POM121: variants seen among roughly 807,000 people sequenced by gnomAD.
POM121 encodes nuclear envelope pore membrane protein POM 121.
In POM121, 32 loss-of-function variants were observed where a neutral mutation model predicts 81.3. The observed-to-expected ratio is 0.39, with a 90% CI of 0.30 to 0.53. The LOEUF is 0.53. Ranked by LOEUF, POM121 falls within the 20% of genes least tolerant of loss-of-function variation. The pLI is 0.66. For missense variants in POM121, 1,138 were observed against 1,614.6 expected (o/e 0.70, Z 5.06); for synonymous variants, 514 against 694.2 (o/e 0.74, Z 4.08).
intron 5 of POM121, among the ~76,000 whole-genome samples, chr7:72,931,403 G>A (rs1354020152): frequency 2.6e-5 from 4 of 152,126 alleles, no homozygotes; most frequent in Admixed American, 2.0e-4. Context: ...AGTTTTAGGA[G>A]AGATAAGATA....
rs368790802 is a variant in POM121 at position 72,945,656 on chromosome 7, C to T, written c.3600C>T (p.Ser1200=). Residue 1200 remains serine, a synonymous_variant, in exon 12 of 13, where the codon TCC becomes TCT. Coordinates refer to ENST00000434423, the MANE Select transcript of POM121 (RefSeq NM_001387691.1). ...PGVGTSGSSL[S]FGASSAPAQG... ...TGGGCACATCAGGCAGCAGCCTCTC[C>T]TTTGGGGCATCCTCAGCACCCGCCC... The T allele has an allele frequency of 1.5e-4, 240 of 1,613,116 alleles. No homozygotes were observed. The highest frequency in any genetic ancestry group is 2.2e-4 in the South Asian group (20 of 90,984).
At chr7:72,945,391 G>A (rs1436805977) in intron 11 of POM121, among the ~76,000 whole-genome samples, 195 bp from the exon 12 acceptor site, 4 of 151,798 alleles carry the variant, frequency 2.6e-5, no homozygotes, top group African/African-American at 7.3e-5. Flanking sequence ...GCGGGTGGGA[G>A]AAGCAGGCTG....
chr7:72,910,667 G>A (rs1234591198), intron 3 of POM121, among the ~76,000 whole-genome samples: 3 of 151,860 alleles, frequency 2.0e-5, no homozygotes, highest in Non-Finnish European at 4.4e-5. Flanking sequence ...CAGTATCTGG[G>A]GCAGGGGAAG....
At chr7:72,925,013 T>A, upstream of POM121, 1 of 1,327,368 alleles carries the variant, frequency 7.5e-7, no homozygotes, top group Non-Finnish European at 9.6e-7. Context: ...TGCCGGGCGG[T>A]AGCGTCTCCC....
rs1322633426 is a variant in POM121 at position 72,925,494 on chromosome 7, C to G, written c.373C>G (p.Leu125Val). ...ANGNLLEPRT[L>V]LEGPDPAELL... ...CGGAAACCTCCTAGAGCCGCGGACC[C>G]TGCTCGAAGGACCTGACCCTGCGGA... The change falls in exon 1 of 13, where the codon CTG (leucine) becomes GTG (valine). Residue 125 changes from leucine to valine, a missense_variant. Leu to Val is a conservative substitution (Grantham distance 32). Around this residue, in one of 7 missense-constraint regions of POM121, gnomAD observed 646 missense variants for 633.5 expected, o/e 1.02. Coordinates refer to ENST00000434423, the MANE Select transcript of POM121 (RefSeq NM_001387691.1). The G allele has an allele frequency of 6.5e-7, 1 of 1,533,678 alleles. No homozygotes were observed. The highest frequency in any genetic ancestry group is 8.7e-7 in the Non-Finnish European group (1 of 1,146,518).
At chr7:72,899,063 A>G (rs1402062503) in intron 3 of POM121, among the ~76,000 whole-genome samples, 5 of 134,748 alleles carry the variant, frequency 3.7e-5, no homozygotes, top group African/African-American at 1.4e-4. Context: ...GCTCACTGCA[A>G]CTTCTGCCTC....
At chr7:72,879,848 C>T in exon 1 of POM121, 2 of 511,732 alleles carry the variant, frequency 3.9e-6, no homozygotes, top group South Asian at 1.4e-5. Flanking sequence ...CCCGGCCTCT[C>T]GGGAGCCGTG....
chr7:72,914,407 A>C (rs1218038081), intron 4 of POM121, among the ~76,000 whole-genome samples: 1 of 151,962 alleles, frequency 6.6e-6, no homozygotes, highest in African/African-American at 2.4e-5. Flanking sequence ...GTTTTTTGCC[A>C]CTATGTTTTG....
Position 72,925,745 on chromosome 7 carries a change from C to T in POM121, c.624C>T (p.Pro208=). 3.8e-6 allele frequency: 5 copies of T among 1,325,872 alleles called. No individual in the cohort carries two copies. Among genetic ancestry groups the T allele is most frequent in the South Asian group, 1.9e-5 (1 of 52,518 alleles). The allele number at this position is 1,325,872 out of a possible 1,614,324, so 82.1% of individuals were successfully genotyped here. A position where few individuals can be genotyped will look rare whatever the true frequency, so the allele number is the denominator to read the frequency against. The change falls in exon 1 of 13, where the codon CCC becomes CCT. Residue 208 remains proline (P), a synonymous_variant. Coordinates refer to ENST00000434423, the MANE Select transcript of POM121 (RefSeq NM_001387691.1). ...YPSLPTPLLR[P]SRRPSPRDCG... ...CTCTGCCCACTCCTCTTCTCCGACC[C>T]TCCAGGAGGCCTTCCCCACGGTAAG...
intron 3 of POM121, among the ~76,000 whole-genome samples, chr7:72,909,214 T>G (rs1793573111): frequency 6.6e-6 from 1 of 152,196 alleles, no homozygotes; most frequent in Non-Finnish European, 1.5e-5. Context: ...CAGTGAGACT[T>G]TATATTTTTC....
In POM121 at chr7:72,941,081, G is replaced by A. The variant is rs574286173; in HGVS notation, c.1843+88G>A. On this transcript the variant is annotated intron_variant, in intron 10 of 12. Coordinates refer to ENST00000434423, the MANE Select transcript of POM121 (RefSeq NM_001387691.1). ...AAGGGCGTCGTGCCTGTCAGTCGCT[G>A]GAGATTGCTCTGCAGGCCGAACGCA... 23 of 1,589,638 alleles carry A rather than the reference G, an allele frequency of 1.4e-5. No individual in the cohort carries two copies. In the East Asian group the frequency reaches 4.7e-4, roughly 33 times the overall value.
In POM121 at chr7:72,894,248, C is replaced by T. The variant is rs186845154; in HGVS notation, c.-216+3138C>T. Reference sequence around the variant, plus strand: ...ACTGCACTCTGGTGCAGAGCCTGGGCGACAGAGCGAGACTCTGTCTTAAAG... The same window carrying T: ...ACTGCACTCTGGTGCAGAGCCTGGGTGACAGAGCGAGACTCTGTCTTAAAG... On this transcript the variant is annotated intron_variant, in intron 3 of 15. Coordinates refer to the POM121 transcript ENST00000395270. Among the ~76,000 whole-genome samples the T allele has an allele frequency of 4.1e-3, 618 of 151,708 alleles. 4 individuals are homozygous for T. Among genetic ancestry groups the T allele is most frequent in the African/African-American group, 0.014 (559 of 41,306 alleles).
At chr7:72,939,743 G>GAGAT (rs1554500356) in intron 7 of POM121, 104 bp from the exon 8 acceptor site, 1 of 1,608,628 alleles carries the variant, frequency 6.2e-7, no homozygotes, top group East Asian at 2.2e-5. Context: ...AATCTTTTCA[G>GAGAT]AGATACCCAT....
At chr7:72,909,745 C>T (rs558788688) in intron 3 of POM121, among the ~76,000 whole-genome samples, 1 of 152,278 alleles carries the variant, frequency 6.6e-6, no homozygotes, top group African/African-American at 2.4e-5. Context: ...ACCTCCCAGA[C>T]TCAGTCACTC....
downstream of POM121, chr7:72,948,549 T>C (rs574465613): frequency 1.9e-6 from 3 of 1,613,420 alleles, no homozygotes; most frequent in Non-Finnish European, 2.5e-6. Flanking sequence ...TCTTTGGGGC[T>C]GGGCTGGGTG....
upstream of POM121, among the ~76,000 whole-genome samples, chr7:72,920,671 T>G (rs1366426900): frequency 6.6e-6 from 1 of 152,052 alleles, no homozygotes; most frequent in African/African-American, 2.4e-5. Context: ...TATTCCTATA[T>G]ACATTTTCTT....
At chr7:72,939,534 A>G (rs1796856253) in intron 7 of POM121, 125 bp downstream of exon 7, 3 of 1,403,128 alleles carry the variant, frequency 2.1e-6, no homozygotes, top group Non-Finnish European at 1.9e-6. Flanking sequence ...GTTAGATACA[A>G]AGAGAGAGAT....
rs549189264 is a variant in POM121 at position 72,880,560 on chromosome 7, T to G, written c.-521+675T>G. Among the ~76,000 whole-genome samples the G allele has an allele frequency of 8.5e-5, 13 of 152,182 alleles. No individual in the cohort carries two copies. The South Asian group carries it at 2.7e-3, about 32-fold the overall frequency. On this transcript the variant is annotated intron_variant, in intron 1 of 15. Coordinates refer to the POM121 transcript ENST00000395270. ...TGAGAGCTCACATACTCAATTCCTA[T>G]GGCTTATTTTATTTTAAGCAGTTTA...
chr7:72,885,982 TTTAA>T (rs1356386717), intron 1 of POM121, among the ~76,000 whole-genome samples: 2 of 152,134 alleles, frequency 1.3e-5, no homozygotes, highest in Admixed American at 6.5e-5. Flanking sequence ...AGTATGCAAC[TTTAA>T]TTGTCATAGT....
Sources: gnomAD v4.1 joint callset for allele counts (sites outside exome capture counted in the v4.1 genomes callset) on GRCh38, gnomAD v4.1.1 for gene constraint, gnomAD v4.1.1 regional missense constraint, MANE v1.5 for transcripts, NCBI Gene and HGNC (gene_info 2026-07-23, HGNC 2026-07-21) for gene names.